The following EDARADD variants were observed in gnomAD, a reference collection of about 807,000 sequenced individuals.
The protein encoded by EDARADD is ectodysplasin-A receptor-associated adapter protein.
Under a neutral mutation model 25.6 loss-of-function variants are expected in EDARADD, and 20 were observed. The ratio of observed to expected loss-of-function variants is 0.78; its 90% CI spans 0.55 to 1.14. The LOEUF (loss-of-function observed/expected upper bound fraction) is 1.14. Among genes scored for constraint, EDARADD ranks in the 50% most tolerant of loss-of-function variants. The probability of loss-of-function intolerance (pLI) is 0.00; values close to 1 mark genes in which losing one functional copy is unlikely to be tolerated. For missense variants in EDARADD, 225 were observed against 270.1 expected, an observed-to-expected ratio of 0.83 and a Z score of 1.17; for synonymous variants, 86 against 94.4, an observed-to-expected ratio of 0.91 and a Z score of 0.52.
At chr1:236,466,440 A>C (rs1629748) in intron 4 of EDARADD, among the ~76,000 whole-genome samples, 6,672 of 124,424 alleles carry the variant, frequency 0.054, 270 homozygotes, top group African/African-American at 0.11. Context: ...CTCTCTGATA[A>C]ACACACACAC....
chr1:236,441,308 A>G (rs1658391725), intron 4 of EDARADD, among the ~76,000 whole-genome samples: 1 of 145,228 alleles, frequency 6.9e-6, no homozygotes, highest in African/African-American at 2.5e-5. Flanking sequence ...AATGTCATAT[A>G]TAAATATATA....
At chr1:236,386,827 G>GC (rs1667359138) in intron 3 of EDARADD, among the ~76,000 whole-genome samples, 3 of 77,690 alleles carry the variant, frequency 3.9e-5, no homozygotes, top group African/African-American at 4.8e-5. Flanking sequence ...GAGGTGGGGG[G>GC]GGTCAGCCCC....
chr1:236,467,765 T>A (rs544791748), intron 4 of EDARADD, among the ~76,000 whole-genome samples: 2 of 144,378 alleles, frequency 1.4e-5, no homozygotes, highest in Admixed American at 1.4e-4. Flanking sequence ...ATTGATACCC[T>A]TTTTTTTTTT....
Position 236,482,998 on chromosome 1 carries a change from C to T in EDARADD, c.*349C>T, listed in dbSNP as rs753919866. On this transcript the variant is annotated 3_prime_UTR_variant, in exon 6 of 6. Coordinates refer to ENST00000334232, the MANE Select transcript of EDARADD (RefSeq NM_145861.4). ...GTAAAGATTTAAATAGGTCCTGAGACTGTTGATAGCCCCAGACATACCCAC... is the reference window on the plus strand; with the variant it reads ...GTAAAGATTTAAATAGGTCCTGAGATTGTTGATAGCCCCAGACATACCCAC... 1 of 613,022 alleles carries T rather than the reference C, an allele frequency of 1.6e-6. No individual in the cohort carries two copies. The highest frequency in any genetic ancestry group is 2.8e-5 in the East Asian group (1 of 36,182). 38.0% of individuals were successfully genotyped at this position (613,022 alleles called of 1,614,324 possible).
chr1:236,455,191 C>A (rs1658825354), intron 4 of EDARADD, among the ~76,000 whole-genome samples: 1 of 146,480 alleles, frequency 6.8e-6, no homozygotes, highest in South Asian at 2.2e-4. Context: ...GCCTGGGTGA[C>A]AGAGCAAGGC....
At chr1:236,400,329 C>T (rs964555831) in intron 1 of EDARADD, among the ~76,000 whole-genome samples, 6 of 152,064 alleles carry the variant, frequency 3.9e-5, no homozygotes, top group South Asian at 2.1e-4. Context: ...ACTTAATGCT[C>T]GGCTGCCCTC....
intron 4 of EDARADD, among the ~76,000 whole-genome samples, chr1:236,447,207 T>TCTTTCTTTCTTTCTTTCCTTTCTTTC (rs1558127419): frequency 1.6e-5 from 1 of 63,714 alleles, no homozygotes; most frequent in African/African-American, 6.1e-5. Flanking sequence ...TTTCTTTCTT[T>TCTTTCTTTCTTTCTTTCCTTTCTTTC]CTTTCTTTCT....
chr1:236,447,225 CT>C lies in EDARADD; in HGVS notation c.219+19778del, dbSNP rs1225360767. Among the ~76,000 whole-genome samples, 23 of 5,370 alleles carry C rather than the reference CT, an allele frequency of 4.3e-3. No homozygotes were observed. The East Asian group carries it at 0.047, about 11-fold the overall frequency. The allele number at this position is 5,370 out of a possible 152,430, so 3.5% of individuals were successfully genotyped here. ...CTTTCTTTCTTTCTTTCTTTCTTTC[CT>C]TTCTTTCCTTTCTTTCCTTTCTTTC... On this transcript the variant is annotated intron_variant, in intron 4 of 5. Coordinates refer to ENST00000334232, the MANE Select transcript of EDARADD (RefSeq NM_145861.4).
chr1:236,428,674 G>A (rs1211341140), intron 4 of EDARADD, among the ~76,000 whole-genome samples: 4 of 106,768 alleles, frequency 3.7e-5, no homozygotes, highest in African/African-American at 8.6e-5. Context: ...GGGAAGAGGC[G>A]CTCCTCACTT....
intron 3 of EDARADD, among the ~76,000 whole-genome samples, chr1:236,353,105 C>T (rs1383135308): frequency 6.6e-6 from 1 of 152,160 alleles, no homozygotes; most frequent in Non-Finnish European, 1.5e-5. Flanking sequence ...CATGGCTCAT[C>T]CTTTCTTGGG....
At chr1:236,389,118 A>G (rs1667390787) in intron 3 of EDARADD, among the ~76,000 whole-genome samples, 2 of 152,210 alleles carry the variant, frequency 1.3e-5, no homozygotes, top group African/African-American at 4.8e-5. Flanking sequence ...ATAAATTGCT[A>G]TGTATGAAGG....
intron 4 of EDARADD, among the ~76,000 whole-genome samples, chr1:236,463,536 G>A (rs1048118469): frequency 1.6e-4 from 25 of 152,280 alleles, no homozygotes; most frequent in African/African-American, 5.1e-4. Flanking sequence ...CAGGTGATCA[G>A]CCCGCCTCGC....
At chr1:236,439,612 G>A (rs980405568) in intron 4 of EDARADD, among the ~76,000 whole-genome samples, 10 of 152,180 alleles carry the variant, frequency 6.6e-5, no homozygotes, top group African/African-American at 2.4e-4. Flanking sequence ...ACGATGTAGA[G>A]CATCATTTTA....
rs1043888297 is a variant in EDARADD at position 236,427,825 on chromosome 1, C to A, written c.219+375C>A. On this transcript the variant is annotated intron_variant, in intron 4 of 5. Transcript: ENST00000334232. ...ATAATACTTGTAATGCTTTATTAAA[C>A]TTTAATTTTTTTAGATATCAGAAGT... Among the ~76,000 whole-genome samples the A allele has an allele frequency of 7.2e-5, 11 of 152,064 alleles. No homozygotes were observed. The South Asian group carries it at 2.3e-3, about 31-fold the overall frequency.
intron 4 of EDARADD, among the ~76,000 whole-genome samples, chr1:236,455,082 C>A (rs535341629): frequency 6.6e-6 from 1 of 152,050 alleles, no homozygotes; most frequent in Non-Finnish European, 1.5e-5. Flanking sequence ...TGGTGGCGGG[C>A]GCCTGTAGTC....
At chr1:236,419,529 T>C (rs114474515) in intron 3 of EDARADD, among the ~76,000 whole-genome samples, 2,091 of 152,310 alleles carry the variant, frequency 0.014, 47 homozygotes, top group African/African-American at 0.048. Context: ...ACCTATTACG[T>C]TGGGCTGTGA....
At chr1:236,374,502 C>T (rs935359172) in intron 3 of EDARADD, among the ~76,000 whole-genome samples, 15 of 152,056 alleles carry the variant, frequency 9.9e-5, no homozygotes, top group East Asian at 1.9e-4. Context: ...CTCCTGGGCT[C>T]GAGCTATTTC....
Position 236,483,027 on chromosome 1 carries a change from A to G in EDARADD, c.*378A>G. The G allele has an allele frequency of 7.8e-6, 5 of 641,582 alleles. No individual in the cohort carries two copies. The South Asian group carries it at 9.4e-5, about 12-fold the overall frequency. The allele number at this position is 641,582 out of a possible 1,614,324, so 39.7% of individuals were successfully genotyped here. On this transcript the variant is annotated 3_prime_UTR_variant, in exon 6 of 6. Transcript: ENST00000334232. ...TGATAGCCCCAGACATACCCACAGCATTATATGTAACATCTCTCCTGATCA... is the reference window on the plus strand; with the variant it reads ...TGATAGCCCCAGACATACCCACAGCGTTATATGTAACATCTCTCCTGATCA...
intron 3 of EDARADD, among the ~76,000 whole-genome samples, chr1:236,416,793 A>G (rs1442034488): frequency 2.0e-5 from 3 of 152,198 alleles, no homozygotes; most frequent in Non-Finnish European, 4.4e-5. Context: ...GATGTCTGCT[A>G]GCATTTTTCT....
Sources: gnomAD v4.1 joint callset for allele counts (sites outside exome capture counted in the v4.1 genomes callset) on GRCh38, gnomAD v4.1.1 for gene constraint, MANE v1.5 for transcripts, NCBI Gene and HGNC (gene_info 2026-07-23, HGNC 2026-07-21) for gene names.